ZNRF3: variants seen among roughly 807,000 people sequenced by gnomAD.
The protein encoded by ZNRF3 is zinc and ring finger 3.
ZNRF3 carries 23 observed loss-of-function variants against 72.5 expected under a neutral mutation model. The observed-to-expected ratio is 0.32, with a 90% CI of 0.23 to 0.45. The LOEUF is 0.45. Ranked by LOEUF, ZNRF3 falls within the 20% of genes least tolerant of loss-of-function variation. The pLI is 1.00. For synonymous variants in ZNRF3, 610 were observed against 545.3 expected, an observed-to-expected ratio of 1.12 and a Z score of -1.65; for missense variants, 1,169 against 1,272.1, an observed-to-expected ratio of 0.92 and a Z score of 1.23.
At chr22:29,018,990 A>C (rs545684138) in intron 2 of ZNRF3, among the ~76,000 whole-genome samples, 1 of 151,218 alleles carries the variant, frequency 6.6e-6, no homozygotes, top group South Asian at 2.1e-4. Flanking sequence ...TGAGTGATCT[A>C]GGATGGCCTC....
At chr22:28,950,270 G>A (rs1302157218) in intron 1 of ZNRF3, among the ~76,000 whole-genome samples, 4 of 152,124 alleles carry the variant, frequency 2.6e-5, no homozygotes, top group South Asian at 2.1e-4. Context: ...TCCACCCACC[G>A]CCCCCTGCCC....
At chr22:29,052,691 CA>C (rs35759703) in intron 8 of ZNRF3, among the ~76,000 whole-genome samples, 65,489 of 118,080 alleles carry the variant, frequency 0.55, 15,212 homozygotes, top group East Asian at 0.64. Flanking sequence ...GACTCCGTCT[CA>C]AAAAAAAAAA....
chr22:29,035,826 C>G (rs2036856496), intron 2 of ZNRF3, among the ~76,000 whole-genome samples: 1 of 152,112 alleles, frequency 6.6e-6, no homozygotes, highest in Admixed American at 6.5e-5. Context: ...GCAATCCACC[C>G]TCCTTGGCCT....
chr22:29,053,537 T>C (rs751257909), intron 8 of ZNRF3, 42 bp from the exon 9 acceptor site: 1 of 1,606,490 alleles, frequency 6.2e-7, no homozygotes, highest in African/African-American at 1.3e-5. Flanking sequence ...CCATGTGTGG[T>C]GCCAGCTCCC....
At chr22:29,011,294 G>T (rs189875565) in intron 2 of ZNRF3, among the ~76,000 whole-genome samples, 1 of 152,114 alleles carries the variant, frequency 6.6e-6, no homozygotes, top group Non-Finnish European at 1.5e-5. Flanking sequence ...GGCTGGCTGC[G>T]GGGGTCCAGC....
Position 29,020,761 on chromosome 22 carries a change from T to TG in ZNRF3, c.427-21734_427-21733insG, listed in dbSNP as rs1569284112. Among the ~76,000 whole-genome samples the TG allele has an allele frequency of 2.8e-3, 119 of 42,964 alleles. 1 individual carries two copies. The highest frequency in any genetic ancestry group is 8.5e-3 in the African/African-American group (113 of 13,306). The allele number at this position is 42,964 out of a possible 152,430, so 28.2% of individuals were successfully genotyped here. ...CAGATTTCATTGAGAGGGGCTTTGT[T>TG]TTTGTGTGTGTGTGGGTGTGTGTGT... On this transcript the variant is annotated intron_variant, in intron 2 of 8. Transcript: ENST00000544604.
At chr22:28,961,319 A>G (rs1174940866) in intron 1 of ZNRF3, among the ~76,000 whole-genome samples, 3 of 152,228 alleles carry the variant, frequency 2.0e-5, no homozygotes, top group Non-Finnish European at 4.4e-5. Context: ...CATTCAAACC[A>G]TAGCACATGC....
At chr22:28,968,892 C>T (rs2035522610) in intron 1 of ZNRF3, among the ~76,000 whole-genome samples, 2 of 152,022 alleles carry the variant, frequency 1.3e-5, no homozygotes, top group Non-Finnish European at 2.9e-5. Context: ...CTGTGCCATC[C>T]CTCCCCCAAC....
intron 1 of ZNRF3, among the ~76,000 whole-genome samples, chr22:28,969,182 A>G (rs754578371): frequency 5.9e-5 from 9 of 152,158 alleles, no homozygotes; most frequent in Non-Finnish European, 1.3e-4. Flanking sequence ...ATCCCGCCCC[A>G]CTTGGGCTAC....
At chr22:28,897,755 G>C (rs977633993) in intron 1 of ZNRF3, among the ~76,000 whole-genome samples, 11 of 152,176 alleles carry the variant, frequency 7.2e-5, no homozygotes, top group Non-Finnish European at 1.6e-4. Flanking sequence ...TCCTTCCCAT[G>C]AAGCTTTTTC....
intron 1 of ZNRF3, among the ~76,000 whole-genome samples, chr22:28,934,778 A>G (rs1451093483): frequency 6.7e-6 from 1 of 149,990 alleles, no homozygotes; most frequent in East Asian, 2.0e-4. Flanking sequence ...AGATAGTGCC[A>G]CTGCACTCTA....
intron 2 of ZNRF3, among the ~76,000 whole-genome samples, chr22:29,004,401 A>G (rs2036202913): frequency 6.6e-6 from 1 of 152,216 alleles, no homozygotes; most frequent in Non-Finnish European, 1.5e-5. Context: ...TCAGATAACA[A>G]GAGCCACCTT....
chr22:29,042,593 C>A, intron 3 of ZNRF3, 24 bp downstream of exon 3: 2 of 1,609,134 alleles, frequency 1.2e-6, no homozygotes, highest in Non-Finnish European at 1.7e-6. Context: ...GCCATGCCAA[C>A]ACTGCAGCCT....
At chr22:28,912,687 G>A (rs1461596044) in intron 1 of ZNRF3, among the ~76,000 whole-genome samples, 6 of 139,570 alleles carry the variant, frequency 4.3e-5, no homozygotes, top group Admixed American at 3.0e-4. Flanking sequence ...TTTTTGAGAC[G>A]GAGTTTTGCT....
chr22:28,959,216 C>T (rs375893121), intron 1 of ZNRF3, among the ~76,000 whole-genome samples: 14 of 152,320 alleles, frequency 9.2e-5, no homozygotes, highest in African/African-American at 3.4e-4. Context: ...GCCCATGGCT[C>T]CCTTTGTGGG....
At chr22:29,020,249 CTTTTTTTT>C (rs756716817) in intron 2 of ZNRF3, among the ~76,000 whole-genome samples, 6 of 91,768 alleles carry the variant, frequency 6.5e-5, no homozygotes, top group African/African-American at 2.2e-4. Context: ...CACAACCATC[CTTTTTTTT>C]TTTTTTTTTT....
intron 1 of ZNRF3, among the ~76,000 whole-genome samples, chr22:28,887,786 C>G (rs1352495034): frequency 6.6e-6 from 1 of 152,068 alleles, no homozygotes; most frequent in Non-Finnish European, 1.5e-5. Context: ...CATCTTTGAA[C>G]CAATTTGTTG....
At chr22:28,957,088 A>G (rs184291986) in intron 1 of ZNRF3, among the ~76,000 whole-genome samples, 2 of 152,368 alleles carry the variant, frequency 1.3e-5, no homozygotes, top group African/African-American at 4.8e-5. Flanking sequence ...AGAATGACAA[A>G]GCAGTGTAGA....
At chr22:28,923,910 G>C (rs1028855624) in intron 1 of ZNRF3, among the ~76,000 whole-genome samples, 1 of 152,238 alleles carries the variant, frequency 6.6e-6, no homozygotes, top group Non-Finnish European at 1.5e-5. Flanking sequence ...GTGGGGGACC[G>C]AGCGGGCGAG....
Sources: gnomAD v4.1 joint callset for allele counts (sites outside exome capture counted in the v4.1 genomes callset) on GRCh38, gnomAD v4.1.1 for gene constraint, MANE v1.5 for transcripts, NCBI Gene and HGNC (gene_info 2026-07-23, HGNC 2026-07-21) for gene names.